FANCA: variants seen among roughly 807,000 people sequenced by gnomAD.
The protein encoded by FANCA is Fanconi anemia group A protein.
FANCA carries 236 observed loss-of-function variants against 194.3 expected under a neutral mutation model. The ratio of observed to expected loss-of-function variants is 1.21; its 90% CI spans 1.09 to 1.35. The LOEUF (loss-of-function observed/expected upper bound fraction) is 1.35. Ranked by LOEUF, FANCA falls within the 40% of genes most tolerant of loss-of-function variation. The pLI, the probability that FANCA is intolerant of heterozygous loss-of-function variation, is 0.00. For synonymous variants in FANCA, 1,014 were observed against 715.8 expected, an observed-to-expected ratio of 1.42 and a Z score of -6.65; for missense variants, 2,628 against 1,813.9, an observed-to-expected ratio of 1.45 and a Z score of -8.15.
chr16:89,760,805 G>C (rs2038926150), intron 29 of FANCA, among the ~76,000 whole-genome samples: 1 of 152,116 alleles, frequency 6.6e-6, no homozygotes, highest in Non-Finnish European at 1.5e-5. Flanking sequence ...CTCCTGCCTG[G>C]TCATTTCCTC....
chr16:89,744,685 T>C (rs1825072286), intron 36 of FANCA: 21 of 467,960 alleles, frequency 4.5e-5, no homozygotes, highest in South Asian at 4.4e-4. Flanking sequence ...TTGTTTTTTT[T>C]CTGGACAGAG....
intron 35 of FANCA, 109 bp from the exon 36 acceptor site, chr16:89,745,180 A>G (rs568776062): frequency 9.8e-7 from 1 of 1,024,298 alleles, no homozygotes; most frequent in East Asian, 2.6e-5. Context: ...ACAGGCCCAC[A>G]CTCGCCCTGC....
chr16:89,779,208 G>A (rs1214203850), intron 18 of FANCA, among the ~76,000 whole-genome samples: 1 of 152,102 alleles, frequency 6.6e-6, no homozygotes, highest in Non-Finnish European at 1.5e-5. Context: ...TGGGAATCAG[G>A]ACCACATTCG....
chr16:89,811,072 C>G lies in FANCA; in HGVS notation c.284-1G>C, dbSNP rs781216924. 5 of 1,613,970 alleles carry G rather than the reference C, an allele frequency of 3.1e-6. No individual in the cohort carries two copies. Among genetic ancestry groups the G allele is most frequent in the Non-Finnish European group, 4.2e-6 (5 of 1,180,036 alleles). On this transcript the variant is annotated splice_acceptor_variant, in intron 3 of 42. Coordinates refer to ENST00000389301, the MANE Select transcript of FANCA (RefSeq NM_000135.4). LOFTEE classifies it high-confidence loss of function. ...GAGGCTTGATCCTGCAAAGCAGAGC[C>G]TTAAACACAAAACAAAACCATAGCT...
At chr16:89,812,646 C>CAAAAAAAAAAA (rs71137677) in intron 3 of FANCA, among the ~76,000 whole-genome samples, 4 of 42,350 alleles carry the variant, frequency 9.4e-5, no homozygotes, top group Non-Finnish European at 1.1e-4. Flanking sequence ...TACTCCGTCT[C>CAAAAAAAAAAA]AAAAAAAAAA....
chr16:89,752,156 ATCC>A lies in FANCA; in HGVS notation c.3045_3047del (p.Glu1015del). On this transcript the variant is annotated inframe_deletion, in exon 31 of 43. Transcript: ENST00000389301. ...AACTCACCTGCAATCTGGAAATAAT[ATCC>A]TCATTTCCTGTGCGGCCACCAAAGA... 1 of 1,613,972 alleles carries A rather than the reference ATCC, an allele frequency of 6.2e-7. No homozygotes were observed. Among genetic ancestry groups the A allele is most frequent in the Non-Finnish European group, 8.5e-7 (1 of 1,179,872 alleles).
At chr16:89,758,433 G>T in intron 30 of FANCA, 144 bp downstream of exon 30, 1 of 899,364 alleles carries the variant, frequency 1.1e-6, no homozygotes, top group South Asian at 1.3e-5. Flanking sequence ...TGCCAAAGGA[G>T]ACTGACATTT....
chr16:89,778,771 A>ACG (rs2143421830), intron 20 of FANCA, 30 bp downstream of exon 20: 1 of 1,585,290 alleles, frequency 6.3e-7, no homozygotes, highest in Non-Finnish European at 8.6e-7. Flanking sequence ...ACCTGGAAGT[A>ACG]GTCATCCCCT....
chr16:89,758,636 G>A lies in FANCA; in HGVS notation c.2922C>T (p.Asp974=), dbSNP rs756241886. Residue 974 remains aspartate, a synonymous_variant, in exon 30 of 43, where the codon GAC becomes GAT. Transcript: ENST00000389301. ...LPESSASGGC[D]GDLQAACTIL... is the part of the protein sequence containing the mutation. ...TGGTACACGCAGCCTGCAGGTCTCC[G>A]TCACAGCCCCCTGAAGCCGAGGACT... 15 of 1,613,914 alleles carry A rather than the reference G, an allele frequency of 9.3e-6. No individual in the cohort carries two copies. Among genetic ancestry groups the A allele is most frequent in the South Asian group, 3.3e-5 (3 of 91,084 alleles).
rs1289126600 is a variant in FANCA, at chr16:89,758,709, G to T, written c.2853-4C>A. 1.2e-6 allele frequency: 2 copies of T among 1,613,414 alleles called. No individual in the cohort carries two copies. Among genetic ancestry groups the T allele is most frequent in the Non-Finnish European group, 1.7e-6 (2 of 1,179,516 alleles). ...CGCCCACTGGTGGAAGTCCTGCCTA[G>T]AACAGCAAACACTGCTATCAATTCT... On this transcript the variant is annotated splice_polypyrimidine_tract_variant and splice_region_variant and intron_variant, in intron 29 of 42. Transcript: ENST00000389301.
At chr16:89,776,169 T>C (rs915882901) in intron 20 of FANCA, among the ~76,000 whole-genome samples, 5 of 138,754 alleles carry the variant, frequency 3.6e-5, no homozygotes, top group Admixed American at 1.4e-4. Flanking sequence ...CTTTTTTTTT[T>C]TTTTTTTTTT....
At chr16:89,774,790 G>A (rs892107869) in intron 21 of FANCA, among the ~76,000 whole-genome samples, 11 of 148,338 alleles carry the variant, frequency 7.4e-5, no homozygotes, top group African/African-American at 2.0e-4. Flanking sequence ...AGGTGGAAGG[G>A]GATCTAGAAG....
rs138144828 is a variant in FANCA, at chr16:89,740,822, C to G, written c.3810G>C (p.Ser1270=). The change falls in exon 38 of 43, where the codon TCG becomes TCC. Residue 1270 remains serine (S), a synonymous_variant. Transcript: ENST00000389301. ...LFFFSLMGLL[S]SHLTSNSTTD... The stretch of plus-strand genomic sequence containing the variant: ...GACTTACATTTGAGGTCAGATGTGA[C>G]GACAGCAGGCCCATCAAGGAGAAGA... 3 of 1,613,452 alleles carry G rather than the reference C, an allele frequency of 1.9e-6. No homozygotes were observed. The highest frequency in any genetic ancestry group is 2.5e-6 in the Non-Finnish European group (3 of 1,179,722).
intron 17 of FANCA, among the ~76,000 whole-genome samples, chr16:89,781,265 G>C (rs1000701313): frequency 2.7e-5 from 4 of 149,116 alleles, no homozygotes; most frequent in African/African-American, 9.9e-5. Flanking sequence ...TCGGGAGGCT[G>C]AGGCAGGAGA....
intron 32 of FANCA, among the ~76,000 whole-genome samples, chr16:89,749,082 TC>T (rs771580647): frequency 4.6e-5 from 7 of 152,208 alleles, no homozygotes; most frequent in Non-Finnish European, 1.0e-4. Context: ...GTGAAGCAAT[TC>T]CCTATGACTG....
intron 21 of FANCA, 36 bp downstream of exon 21, chr16:89,775,706 C>T (rs1445876176): frequency 6.4e-7 from 1 of 1,559,202 alleles, no homozygotes; most frequent in Non-Finnish European, 8.8e-7. Context: ...TGGAAAAGCA[C>T]AAGTCCCAGA....
chr16:89,809,423 G>T (rs1204777578), intron 5 of FANCA, among the ~76,000 whole-genome samples: 1 of 151,942 alleles, frequency 6.6e-6, no homozygotes, highest in Non-Finnish European at 1.5e-5. Flanking sequence ...CTGGATAAAA[G>T]AATGGGAAAG....
At chr16:89,754,675 G>T (rs751585462) in intron 30 of FANCA, among the ~76,000 whole-genome samples, 2 of 151,892 alleles carry the variant, frequency 1.3e-5, no homozygotes, top group Admixed American at 1.3e-4. Context: ...GGCCAGACAC[G>T]ATCTTATATA....
intron 38 of FANCA, chr16:89,740,577 A>C (rs1162215836): frequency 5.4e-6 from 3 of 556,072 alleles, no homozygotes. Context: ...CTGAGGTTGC[A>C]GTGAGCTGAG....
Sources: gnomAD v4.1 joint callset for allele counts (sites outside exome capture counted in the v4.1 genomes callset) on GRCh38, gnomAD v4.1.1 for gene constraint, MANE v1.5 for transcripts, NCBI Gene and HGNC (gene_info 2026-07-23, HGNC 2026-07-21) for gene names.